Variants in MTMR3 observed in about 807,000 individuals in gnomAD.
The protein encoded by MTMR3 is myotubularin related protein 3.
Under a neutral mutation model 132.4 loss-of-function variants are expected in MTMR3, and 32 were observed. That is an observed-to-expected ratio of 0.24 (90% CI 0.18 to 0.32). The LOEUF is 0.32. Ranked by LOEUF, MTMR3 falls within the 10% of genes least tolerant of loss-of-function variation. MTMR3 has a pLI of 1.00. For missense variants in MTMR3, 1,216 were observed against 1,489.6 expected, an observed-to-expected ratio of 0.82 and a Z score of 3.02; for synonymous variants, 556 against 550.3, an observed-to-expected ratio of 1.01 and a Z score of -0.14.
At chr22:29,967,314 T>C (rs566707230) in intron 2 of MTMR3, among the ~76,000 whole-genome samples, 2 of 151,776 alleles carry the variant, frequency 1.3e-5, no homozygotes, top group Middle Eastern at 6.8e-3. Context: ...ATAAGCTCAC[T>C]GCAGCCTTGA....
At chr22:29,971,144 C>T (rs1262070579) in intron 3 of MTMR3, 82 bp downstream of exon 3, 1 of 1,403,112 alleles carries the variant, frequency 7.1e-7, no homozygotes, top group Middle Eastern at 2.0e-4. Flanking sequence ...TAAATTCATA[C>T]TTACCCATTT....
At chr22:30,005,029 C>T (rs2067247192) in intron 9 of MTMR3, 1 of 152,222 alleles carries the variant, frequency 6.6e-6, no homozygotes, top group Non-Finnish European at 1.5e-5. Flanking sequence ...AAAGGGCACC[C>T]ATCTGTAGTG....
At chr22:29,945,112 G>A (rs939358904) in intron 1 of MTMR3, among the ~76,000 whole-genome samples, 4 of 152,082 alleles carry the variant, frequency 2.6e-5, no homozygotes, top group Non-Finnish European at 4.4e-5. Flanking sequence ...TCCTGGACTC[G>A]AGTGATTCTC....
chr22:30,019,434 A>T, intron 16 of MTMR3, 46 bp from the exon 17 acceptor site: 1 of 1,542,254 alleles, frequency 6.5e-7, no homozygotes, highest in Non-Finnish European at 8.7e-7. Context: ...TACTTCCTCC[A>T]AACAGTTTCC....
At chr22:29,913,605 A>G (rs1602460973) in intron 1 of MTMR3, among the ~76,000 whole-genome samples, 1 of 152,194 alleles carries the variant, frequency 6.6e-6, no homozygotes, top group South Asian at 2.1e-4. Context: ...TCATTTTAGT[A>G]TAATGCTTTG....
chr22:29,980,663 A>AT (rs1415303896), intron 5 of MTMR3: 2 of 152,156 alleles, frequency 1.3e-5, no homozygotes, highest in African/African-American at 4.8e-5. Context: ...ATATCATTGC[A>AT]TTTTCTCATA....
Position 30,030,494 on chromosome 22 carries a change from A to G in MTMR3, c.*4693A>G, listed in dbSNP as rs2067991842. The stretch of plus-strand genomic sequence containing the variant: ...ACCATTTAAGTTGAATAAATCTGTC[A>G]TTTTCACCCACAAACAGTTGTTGAG... On this transcript the variant is annotated 3_prime_UTR_variant, in exon 20 of 20. Coordinates refer to ENST00000401950, the MANE Select transcript of MTMR3 (RefSeq NM_021090.4). 1 of 151,764 alleles carries G rather than the reference A, an allele frequency of 6.6e-6. No homozygotes were observed. Among genetic ancestry groups the G allele is most frequent in the African/African-American group, 2.4e-5 (1 of 41,244 alleles). 9.4% of individuals were successfully genotyped at this position (151,764 alleles called of 1,614,324 possible).
In MTMR3 at chr22:29,971,026, C is replaced by T. The variant is rs751787242; in HGVS notation, c.-34C>T. On this transcript the variant is annotated 5_prime_UTR_variant, in exon 3 of 20. It adds an upstream start codon to the 5' untranslated region. Transcript: ENST00000401950. ...GCCTTGTTGGACACTGAAGAAGGGACGGGGATTTCTCCTCCTAATCTGGGC... is the reference window on the plus strand; with the variant it reads ...GCCTTGTTGGACACTGAAGAAGGGATGGGGATTTCTCCTCCTAATCTGGGC... The T allele has an allele frequency of 1.2e-5, 18 of 1,527,670 alleles. No individual in the cohort carries two copies. Among genetic ancestry groups the T allele is most frequent in the African/African-American group, 3.0e-5 (2 of 67,660 alleles). The allele number at this position is 1,527,670 out of a possible 1,614,324, so 94.6% of individuals were successfully genotyped here. A position where few individuals can be genotyped will look rare whatever the true frequency, so the allele number is the denominator to read the frequency against.
intron 1 of MTMR3, among the ~76,000 whole-genome samples, chr22:29,918,196 A>G (rs961468878): frequency 6.6e-6 from 1 of 152,168 alleles, no homozygotes; most frequent in South Asian, 2.1e-4. Context: ...GGAAGTGTTG[A>G]GGGGCATCAT....
chr22:29,902,481 C>T (rs1254201851), intron 1 of MTMR3, among the ~76,000 whole-genome samples: 2 of 146,860 alleles, frequency 1.4e-5, no homozygotes, highest in East Asian at 4.0e-4. Context: ...GATCTCCTGT[C>T]TCAGCCTCCT....
chr22:29,957,209 A>C (rs1022186208), intron 2 of MTMR3, 121 bp downstream of exon 2: 1 of 147,058 alleles, frequency 6.8e-6, no homozygotes, highest in Non-Finnish European at 1.5e-5. Context: ...GTCAATGTCC[A>C]TGATTATTTA....
At chr22:29,905,209 T>C (rs2065072216) in intron 1 of MTMR3, among the ~76,000 whole-genome samples, 1 of 152,144 alleles carries the variant, frequency 6.6e-6, no homozygotes, top group Non-Finnish European at 1.5e-5. Context: ...TGGGCATACT[T>C]AAGTCCCCCA....
chr22:29,883,887 C>G (rs2064607523), intron 1 of MTMR3, among the ~76,000 whole-genome samples: 1 of 152,182 alleles, frequency 6.6e-6, no homozygotes, highest in Non-Finnish European at 1.5e-5. Flanking sequence ...GGGCATCCCC[C>G]TGACCTGGTA....
intron 1 of MTMR3, among the ~76,000 whole-genome samples, chr22:29,883,720 A>G (rs1255202081): frequency 6.6e-6 from 1 of 151,642 alleles, no homozygotes. Context: ...ATTCCCACGA[A>G]CTCCCGGGAG....
chr22:29,885,633 T>G (rs1602399665), intron 1 of MTMR3, among the ~76,000 whole-genome samples: 1 of 152,310 alleles, frequency 6.6e-6, no homozygotes, highest in Middle Eastern at 3.4e-3. Flanking sequence ...TGGTTGCTCC[T>G]AAACCATCTG....
At chr22:29,934,495 A>G (rs1391233213) in intron 1 of MTMR3, among the ~76,000 whole-genome samples, 3 of 152,194 alleles carry the variant, frequency 2.0e-5, no homozygotes, top group African/African-American at 4.8e-5. Context: ...TTGTATGTGT[A>G]ATTTCTGGAG....
chr22:29,957,415 GTATTTATT>G (rs59964116), intron 2 of MTMR3, among the ~76,000 whole-genome samples: 41,345 of 146,730 alleles, frequency 0.28, 6,200 homozygotes, highest in South Asian at 0.51. Flanking sequence ...ATCTCCAGTT[GTATTTATT>G]TATTTATTTA....
At chr22:29,888,287 T>C (rs554536348) in intron 1 of MTMR3, among the ~76,000 whole-genome samples, 1 of 152,290 alleles carries the variant, frequency 6.6e-6, no homozygotes, top group African/African-American at 2.4e-5. Context: ...TCAAAGGTAG[T>C]CCTCCTGCTT....
chr22:30,019,432 CCAAA>C lies in MTMR3; in HGVS notation c.1821-45_1821-42del, dbSNP rs1295978705. The C allele has an allele frequency of 5.9e-6, 9 of 1,536,158 alleles. No individual in the cohort carries two copies. In the East Asian group the frequency reaches 1.1e-4, roughly 19 times the overall value. ...TAAAACCTATTGTCTCCTACTTCCT[CCAAA>C]CAGTTTCCAAGATTTTCATTTCCCC... On this transcript the variant is annotated intron_variant, in intron 16 of 19. Coordinates refer to ENST00000401950, the MANE Select transcript of MTMR3 (RefSeq NM_021090.4).
Sources: allele counts gnomAD v4.1 joint callset (sites outside exome capture counted in the v4.1 genomes callset), GRCh38; gene constraint gnomAD v4.1.1; transcripts MANE v1.5; gene names NCBI Gene and HGNC (gene_info 2026-07-23, HGNC 2026-07-21).